Variants in MMS22L observed in about 807,000 individuals in gnomAD.
MMS22L encodes MMS22 like, DNA repair protein, also known as protein MMS22-like.
Under a neutral mutation model 159.1 loss-of-function variants are expected in MMS22L, and 74 were observed. The observed-to-expected ratio is 0.47, with a 90% confidence interval of 0.39 to 0.56. The LOEUF is 0.56. Ranked by LOEUF, MMS22L falls within the 20% of genes least tolerant of loss-of-function variation. The pLI is 0.00. For synonymous variants in MMS22L, 517 were observed against 506.9 expected (o/e 1.02, Z -0.27); for missense variants, 1,351 against 1,422.1 (o/e 0.95, Z 0.80).
chr6:97,252,144 A>G (rs1582796676), intron 10 of MMS22L, among the ~76,000 whole-genome samples: 1 of 152,000 alleles, frequency 6.6e-6, no homozygotes, highest in Non-Finnish European at 1.5e-5. Flanking sequence ...TGGTTATATC[A>G]CTGCAATTCC....
At position 97,142,628 on chromosome 6, in the gene MMS22L, T is replaced by G. The variant is rs1407026531; in HGVS notation, c.*4178A>C. The G allele has an allele frequency of 1.3e-5, 2 of 152,122 alleles. No individual in the cohort carries two copies. Among genetic ancestry groups the G allele is most frequent in the African/African-American group, 4.8e-5 (2 of 41,442 alleles). 9.4% of individuals were successfully genotyped at this position (152,122 alleles called of 1,614,324 possible). Reference sequence around the variant, plus strand: ...TTCAACTTTTGGTGAGGTTTCTGTATCTATTTACCTTTTAGACATGGGGAG... The same window carrying G: ...TTCAACTTTTGGTGAGGTTTCTGTAGCTATTTACCTTTTAGACATGGGGAG... On this transcript the variant is annotated 3_prime_UTR_variant, in exon 25 of 25. Transcript: ENST00000683635.
intron 14 of MMS22L, among the ~76,000 whole-genome samples, chr6:97,197,210 C>T (rs1254121388): frequency 1.3e-5 from 2 of 152,110 alleles, no homozygotes; most frequent in Non-Finnish European, 2.9e-5. Flanking sequence ...CAGACGTCAT[C>T]GTAGGTTAGT....
chr6:97,210,774 C>T (rs1399633234), intron 14 of MMS22L, among the ~76,000 whole-genome samples: 1 of 151,946 alleles, frequency 6.6e-6, no homozygotes, highest in East Asian at 1.9e-4. Context: ...ATTTTGGTTA[C>T]ACGTTCTCAC....
chr6:97,207,234 C>A (rs976385797), intron 14 of MMS22L, among the ~76,000 whole-genome samples: 18 of 152,092 alleles, frequency 1.2e-4, no homozygotes, highest in African/African-American at 4.3e-4. Context: ...GCAAATGATT[C>A]TATCAAGTTT....
At chr6:97,196,164 TA>T (rs1378255891) in intron 14 of MMS22L, among the ~76,000 whole-genome samples, 1 of 152,216 alleles carries the variant, frequency 6.6e-6, no homozygotes, top group African/African-American at 2.4e-5. Flanking sequence ...TGAGCCATTG[TA>T]CTAGATGTTA....
At chr6:97,218,603 G>A (rs1342598576) in intron 14 of MMS22L, among the ~76,000 whole-genome samples, 1 of 152,038 alleles carries the variant, frequency 6.6e-6, no homozygotes, top group African/African-American at 2.4e-5. Context: ...TGTTTTTCAT[G>A]AATATGTCTC....
intron 11 of MMS22L, among the ~76,000 whole-genome samples, chr6:97,237,603 G>A (rs1048812178): frequency 6.6e-5 from 10 of 152,046 alleles, no homozygotes; most frequent in African/African-American, 2.4e-4. Flanking sequence ...TGGTATATAC[G>A]CCACGGTGCC....
At chr6:97,270,102 C>G in intron 6 of MMS22L, 110 bp from the exon 7 acceptor site, 2 of 787,154 alleles carry the variant, frequency 2.5e-6, no homozygotes, top group South Asian at 1.7e-5. Context: ...AACCAATTAA[C>G]CTACCACTAT....
chr6:97,264,785 C>G (rs981696663), intron 8 of MMS22L: 2 of 151,728 alleles, frequency 1.3e-5, no homozygotes, highest in African/African-American at 4.8e-5. Context: ...TAAAACAATC[C>G]CATATATAGT....
intron 13 of MMS22L, chr6:97,230,262 ATTTTTTTTTT>A (rs754272802): frequency 1.9e-5 from 2 of 104,630 alleles, no homozygotes; most frequent in East Asian, 5.4e-4. Flanking sequence ...ACGCTTGGCT[ATTTTTTTTTT>A]TTTTTTTTTT....
At chr6:97,181,628 A>G (rs1409230723) in intron 16 of MMS22L, among the ~76,000 whole-genome samples, 1 of 152,172 alleles carries the variant, frequency 6.6e-6, no homozygotes, top group Admixed American at 6.5e-5. Context: ...ATGTGTAGAA[A>G]GGTCACTTCA....
chr6:97,246,525 T>C, intron 11 of MMS22L, 103 bp downstream of exon 11: 1 of 854,128 alleles, frequency 1.2e-6, no homozygotes. Flanking sequence ...ATGAAAGTTA[T>C]TTGTTTTCTG....
At chr6:97,255,652 C>T (rs1272054024) in intron 9 of MMS22L, among the ~76,000 whole-genome samples, 1 of 151,848 alleles carries the variant, frequency 6.6e-6, no homozygotes, top group Non-Finnish European at 1.5e-5. Flanking sequence ...AGCTGTAGTC[C>T]CAAAACTTTA....
chr6:97,169,717 G>C (rs888969286), intron 19 of MMS22L, among the ~76,000 whole-genome samples: 1 of 152,082 alleles, frequency 6.6e-6, no homozygotes, highest in African/African-American at 2.4e-5. Flanking sequence ...GAGAATTTCA[G>C]TATGACAGCA....
chr6:97,272,603 T>A, intron 6 of MMS22L, 101 bp downstream of exon 6: 1 of 1,074,542 alleles, frequency 9.3e-7, no homozygotes, highest in South Asian at 1.6e-5. Context: ...GCAGTCAGGT[T>A]CCAGAGCTGT....
intron 22 of MMS22L, among the ~76,000 whole-genome samples, chr6:97,152,820 T>A (rs2473109): frequency 0.015 from 2,249 of 149,948 alleles, 46 homozygotes; most frequent in African/African-American, 0.042. Context: ...TTTTTTTTTT[T>A]AAAAAAAATG....
intron 21 of MMS22L, among the ~76,000 whole-genome samples, chr6:97,163,434 C>T (rs1562404084): frequency 6.6e-6 from 1 of 151,670 alleles, no homozygotes; most frequent in Non-Finnish European, 1.5e-5. Flanking sequence ...CTATATCTTT[C>T]CTGAGTATTA....
intron 9 of MMS22L, among the ~76,000 whole-genome samples, chr6:97,256,852 C>T (rs1813871867): frequency 6.6e-6 from 1 of 152,162 alleles, no homozygotes; most frequent in Non-Finnish European, 1.5e-5. Flanking sequence ...GAGTCTGAGA[C>T]AGGAGGATCA....
chr6:97,281,411 A>G lies in MMS22L; in HGVS notation c.165-49T>C, dbSNP rs1177989403. 2.1e-6 allele frequency: 3 copies of G among 1,433,786 alleles called. No individual in the cohort carries two copies. In the South Asian group the frequency reaches 3.8e-5, roughly 18 times the overall value. 88.8% of individuals were successfully genotyped at this position (1,433,786 alleles called of 1,614,324 possible). ...TCATAAAAAGTATACTAAGTACCAT[A>G]ATACGACGGCTCTTTTCTTTACATT... On this transcript the variant is annotated intron_variant, in intron 2 of 24. Transcript: ENST00000683635.
Sources: gnomAD v4.1 joint callset for allele counts (sites outside exome capture counted in the v4.1 genomes callset) on GRCh38, gnomAD v4.1.1 for gene constraint, MANE v1.5 for transcripts, NCBI Gene and HGNC (gene_info 2026-07-23, HGNC 2026-07-21) for gene names.